The following BAIAP2L1 variants were observed in gnomAD, a reference collection of about 807,000 sequenced individuals.
BAIAP2L1 encodes BAR/IMD domain containing adaptor protein 2 like 1.
BAIAP2L1 carries 35 observed loss-of-function variants against 66.3 expected under a neutral mutation model. That is an observed-to-expected ratio of 0.53 (90% confidence interval 0.40 to 0.70). BAIAP2L1 has a LOEUF of 0.70. BAIAP2L1 is among the 30% of genes least tolerant of loss of function. The pLI is 0.00. For synonymous variants in BAIAP2L1, 269 were observed against 248.7 expected (o/e 1.08, Z -0.77); for missense variants, 622 against 656.9 (o/e 0.95, Z 0.58).
chr7:98,357,094 C>T (rs1802153796), intron 2 of BAIAP2L1, among the ~76,000 whole-genome samples: 1 of 112,644 alleles, frequency 8.9e-6, no homozygotes. Context: ...ACTCTGTTGC[C>T]CAGGCTGGTC....
chr7:98,331,761 G>A (rs994337027), intron 3 of BAIAP2L1, among the ~76,000 whole-genome samples: 1 of 152,094 alleles, frequency 6.6e-6, no homozygotes, highest in Non-Finnish European at 1.5e-5. Context: ...GAGTCACCAT[G>A]CCTAGCCAAG....
chr7:98,372,395 A>C (rs1802530263), intron 1 of BAIAP2L1, among the ~76,000 whole-genome samples: 1 of 151,970 alleles, frequency 6.6e-6, no homozygotes, highest in Non-Finnish European at 1.5e-5. Context: ...GACAGAACGA[A>C]ACTCAGTCTC....
intron 3 of BAIAP2L1, among the ~76,000 whole-genome samples, chr7:98,332,100 G>A (rs1451933666): frequency 6.6e-6 from 1 of 151,988 alleles, no homozygotes; most frequent in Non-Finnish European, 1.5e-5. Context: ...AAAGGAACAG[G>A]GCTGGGCGCA....
At chr7:98,316,217 C>T (rs1204718751) in intron 6 of BAIAP2L1, among the ~76,000 whole-genome samples, 1 of 152,186 alleles carries the variant, frequency 6.6e-6, no homozygotes, top group African/African-American at 2.4e-5. Context: ...CCTTCCCTTC[C>T]ACCATGATTG....
intron 3 of BAIAP2L1, among the ~76,000 whole-genome samples, chr7:98,337,886 C>A (rs1388555945): frequency 6.6e-6 from 1 of 151,816 alleles, no homozygotes; most frequent in African/African-American, 2.4e-5. Flanking sequence ...CCACTGCACT[C>A]CAGCCTGGGT....
chr7:98,308,213 T>C (rs1453936601), intron 9 of BAIAP2L1: 1 of 535,216 alleles, frequency 1.9e-6, no homozygotes, highest in East Asian at 4.8e-5. Flanking sequence ...AGGATGGCTC[T>C]TCTTAGAGAG....
chr7:98,301,242 G>T (rs894262046), intron 12 of BAIAP2L1, among the ~76,000 whole-genome samples: 7 of 152,100 alleles, frequency 4.6e-5, no homozygotes, highest in African/African-American at 1.7e-4. Flanking sequence ...CCCTGTGGGC[G>T]TCACCTCCAC....
chr7:98,327,746 G>A (rs1045975501), intron 3 of BAIAP2L1, among the ~76,000 whole-genome samples: 3 of 152,076 alleles, frequency 2.0e-5, no homozygotes, highest in East Asian at 1.9e-4. Flanking sequence ...ATGTGGGTTC[G>A]TGCCTGTGCC....
intron 9 of BAIAP2L1, chr7:98,309,685 T>G (rs1190278956): frequency 2.0e-5 from 3 of 152,266 alleles, no homozygotes; most frequent in Non-Finnish European, 4.4e-5. Context: ...TCCAGGGCTC[T>G]CTCTCACAAA....
intron 3 of BAIAP2L1, among the ~76,000 whole-genome samples, chr7:98,345,120 C>T (rs1359896372): frequency 1.3e-5 from 2 of 152,038 alleles, no homozygotes; most frequent in Non-Finnish European, 2.9e-5. Flanking sequence ...GGCAACATAG[C>T]GAGACCCTGT....
intron 1 of BAIAP2L1, among the ~76,000 whole-genome samples, chr7:98,371,797 CTTTT>C (rs201576582): frequency 2.1e-5 from 3 of 140,214 alleles, no homozygotes; most frequent in African/African-American, 2.8e-5. Context: ...CTTTTAGTTT[CTTTT>C]TTTTTTTTTC....
chr7:98,360,994 T>C (rs549173405), intron 2 of BAIAP2L1, among the ~76,000 whole-genome samples: 16 of 152,324 alleles, frequency 1.1e-4, no homozygotes, highest in Non-Finnish European at 2.1e-4. Flanking sequence ...CTGGGGCAGG[T>C]TCATGCTGAG....
At chr7:98,398,102 A>G (rs907293056) in intron 1 of BAIAP2L1, among the ~76,000 whole-genome samples, 9 of 152,186 alleles carry the variant, frequency 5.9e-5, no homozygotes, top group Admixed American at 5.9e-4. Context: ...ACTAAAACCC[A>G]TACTAGCAAG....
At chr7:98,382,600 T>C (rs1802784389) in intron 1 of BAIAP2L1, among the ~76,000 whole-genome samples, 1 of 152,236 alleles carries the variant, frequency 6.6e-6, no homozygotes, top group Non-Finnish European at 1.5e-5. Flanking sequence ...GTAGTTTAAG[T>C]GTGGATGATT....
chr7:98,334,938 A>T (rs1390047591), intron 3 of BAIAP2L1, among the ~76,000 whole-genome samples: 1 of 149,200 alleles, frequency 6.7e-6, no homozygotes, highest in East Asian at 2.0e-4. Flanking sequence ...TCACGAGATC[A>T]GGAGATCGAG....
Position 98,315,523 on chromosome 7 carries a change from G to C in BAIAP2L1, c.576C>G (p.Arg192=). 2 of 1,522,674 alleles carry C rather than the reference G, an allele frequency of 1.3e-6. No homozygotes were observed. The highest frequency in any genetic ancestry group is 1.8e-6 in the Non-Finnish European group (2 of 1,128,124). 94.3% of individuals were successfully genotyped at this position (1,522,674 alleles called of 1,614,324 possible). The change falls in exon 7 of 14, where the codon CGC becomes CGG. Residue 192 remains arginine, a synonymous_variant. Transcript: ENST00000005260. Reference sequence around the variant, plus strand: ...AGTGCTTATCAACCAGAAAGCAGAAGCGCCTCTTCTCTTCAAGCAGAGCCT... The same window carrying C: ...AGTGCTTATCAACCAGAAAGCAGAACCGCCTCTTCTCTTCAAGCAGAGCCT... ...CKEALLEEKR[R]FCFLVDKHCG...
chr7:98,314,870 G>A (rs1388979263), intron 7 of BAIAP2L1, among the ~76,000 whole-genome samples: 2 of 152,178 alleles, frequency 1.3e-5, no homozygotes, highest in East Asian at 3.8e-4. Context: ...CTGACTCGCA[G>A]GTGAGAAGAG....
At chr7:98,368,812 T>A (rs9641236) in intron 1 of BAIAP2L1, among the ~76,000 whole-genome samples, 34,447 of 151,914 alleles carry the variant, frequency 0.23, 4,463 homozygotes, top group East Asian at 0.45. Context: ...TTTATTTTTT[T>A]TTTTTGGCTA....
intron 1 of BAIAP2L1, among the ~76,000 whole-genome samples, chr7:98,368,966 T>C (rs1802449917): frequency 6.6e-6 from 1 of 152,008 alleles, no homozygotes; most frequent in Non-Finnish European, 1.5e-5. Context: ...TACGTTTTCG[T>C]ATCTCTAGGA....
Sources: gnomAD v4.1 joint callset for allele counts (sites outside exome capture counted in the v4.1 genomes callset) on GRCh38, gnomAD v4.1.1 for gene constraint, MANE v1.5 for transcripts, NCBI Gene and HGNC (gene_info 2026-07-23, HGNC 2026-07-21) for gene names.